ELMO1: variants seen among roughly 807,000 people sequenced by gnomAD.
The protein encoded by ELMO1 is engulfment and cell motility 1.
In ELMO1, 26 loss-of-function variants were observed where a neutral mutation model predicts 98.9. That is an observed-to-expected ratio of 0.26 (90% confidence interval 0.19 to 0.36). ELMO1 has a LOEUF of 0.36. Ranked by LOEUF, ELMO1 falls within the 10% of genes least tolerant of loss-of-function variation. The pLI is 1.00. For missense variants in ELMO1, 627 were observed against 935.2 expected (o/e 0.67, Z 4.30); for synonymous variants, 346 against 346.0 (o/e 1.00, Z 0.00).
intron 4 of ELMO1, among the ~76,000 whole-genome samples, chr7:37,279,759 G>T (rs1009169765): frequency 1.3e-5 from 2 of 152,176 alleles, no homozygotes; most frequent in Non-Finnish European, 2.9e-5. Flanking sequence ...GTGGAGCAGG[G>T]GGTATAACTC....
chr7:37,237,922 A>G (rs1326661383), intron 7 of ELMO1, among the ~76,000 whole-genome samples: 1 of 152,212 alleles, frequency 6.6e-6, no homozygotes, highest in African/African-American at 2.4e-5. Flanking sequence ...CCTTATACCA[A>G]TATCAGACCA....
intron 13 of ELMO1, among the ~76,000 whole-genome samples, chr7:37,202,922 T>C (rs1792378997): frequency 1.3e-5 from 2 of 152,186 alleles, no homozygotes; most frequent in Non-Finnish European, 2.9e-5. Flanking sequence ...CCCATGGTTT[T>C]GGTTTGTTTC....
intron 14 of ELMO1, among the ~76,000 whole-genome samples, chr7:37,111,245 T>G (rs1785233970): frequency 6.6e-6 from 1 of 152,158 alleles, no homozygotes; most frequent in African/African-American, 2.4e-5. Flanking sequence ...GACACATGAC[T>G]CACCCATTGA....
At chr7:37,405,481 A>T (rs1172522586) in intron 1 of ELMO1, among the ~76,000 whole-genome samples, 1 of 152,246 alleles carries the variant, frequency 6.6e-6, no homozygotes, top group East Asian at 1.9e-4. Context: ...CGTGTGCTTT[A>T]ACTGACACAA....
intron 15 of ELMO1, among the ~76,000 whole-genome samples, chr7:37,082,019 A>G (rs1797889735): frequency 6.6e-6 from 1 of 152,236 alleles, no homozygotes; most frequent in African/African-American, 2.4e-5. Flanking sequence ...TAAATTGCCA[A>G]TAAAAGACTA....
chr7:37,373,138 G>A (rs1411354144), intron 1 of ELMO1, among the ~76,000 whole-genome samples: 5 of 152,238 alleles, frequency 3.3e-5, no homozygotes, highest in African/African-American at 7.2e-5. Flanking sequence ...ACGGAATCAG[G>A]TGTAACACTG....
rs114396885 is a variant in ELMO1 at position 37,402,928 on chromosome 7, G to C, written c.-74+45747C>G. Among the ~76,000 whole-genome samples, 1,216 of 152,254 alleles carry C rather than the reference G, an allele frequency of 8.0e-3. 24 individuals carry two copies. Among genetic ancestry groups the C allele is most frequent in the African/African-American group, 0.028 (1,152 of 41,542 alleles). On this transcript the variant is annotated intron_variant, in intron 1 of 21. Coordinates refer to ENST00000310758, the MANE Select transcript of ELMO1 (RefSeq NM_014800.11). ...TAAACGTAATCTTGTCATACAATCT[G>C]GCAATAATGCTTCTAGGTATTTACC... is the stretch of plus-strand genomic sequence containing the variant.
intron 14 of ELMO1, among the ~76,000 whole-genome samples, chr7:37,097,348 G>A (rs1305364341): frequency 1.3e-5 from 2 of 152,116 alleles, no homozygotes; most frequent in Non-Finnish European, 2.9e-5. Context: ...GACCAGCCTG[G>A]CCAACATGGC....
intron 15 of ELMO1, among the ~76,000 whole-genome samples, chr7:37,067,276 A>G (rs1469978709): frequency 2.6e-5 from 4 of 152,202 alleles, no homozygotes; most frequent in African/African-American, 7.2e-5. Flanking sequence ...TGCCCCATCA[A>G]TTGAAAAGAA....
intron 1 of ELMO1, among the ~76,000 whole-genome samples, chr7:37,391,784 G>A (rs1439404389): frequency 1.3e-5 from 2 of 152,184 alleles, no homozygotes; most frequent in African/African-American, 4.8e-5. Context: ...CACTCACCAG[G>A]GAAGAGCTGG....
intron 15 of ELMO1, among the ~76,000 whole-genome samples, chr7:37,032,259 T>C (rs569462088): frequency 2.6e-5 from 4 of 152,130 alleles, no homozygotes; most frequent in African/African-American, 4.8e-5. Flanking sequence ...TTGAAAAACA[T>C]CTAAGGGAGC....
intron 1 of ELMO1, among the ~76,000 whole-genome samples, chr7:37,385,894 C>T (rs532738541): frequency 4.6e-5 from 7 of 152,208 alleles, no homozygotes; most frequent in Non-Finnish European, 1.0e-4. Flanking sequence ...GCCCAGCTTC[C>T]GGAGATGCCA....
intron 15 of ELMO1, among the ~76,000 whole-genome samples, chr7:37,083,771 T>C (rs1783610282): frequency 6.6e-6 from 1 of 152,188 alleles, no homozygotes; most frequent in African/African-American, 2.4e-5. Flanking sequence ...CTGCCCCTGA[T>C]AGCCTGGCTT....
intron 21 of ELMO1, among the ~76,000 whole-genome samples, chr7:36,861,381 C>T (rs189577839): frequency 2.2e-4 from 33 of 152,114 alleles, no homozygotes; most frequent in Non-Finnish European, 8.8e-5. Context: ...TAACCAGGGC[C>T]GCTTCTTTCT....
At chr7:36,984,645 CTT>C (rs772910007) in intron 16 of ELMO1, among the ~76,000 whole-genome samples, 9 of 152,212 alleles carry the variant, frequency 5.9e-5, no homozygotes, top group Non-Finnish European at 1.3e-4. Context: ...TAAGATTTCT[CTT>C]GTTTGACTAT....
intron 16 of ELMO1, among the ~76,000 whole-genome samples, chr7:36,903,389 T>C (rs568422732): frequency 2.0e-5 from 3 of 152,230 alleles, no homozygotes; most frequent in African/African-American, 4.8e-5. Context: ...TAATGACCTG[T>C]GCCCTCCTTT....
At chr7:36,856,816 C>T (rs1412997384) in intron 21 of ELMO1, among the ~76,000 whole-genome samples, 1 of 152,198 alleles carries the variant, frequency 6.6e-6, no homozygotes, top group Non-Finnish European at 1.5e-5. Context: ...GATTCTATAA[C>T]AGCAATTGTT....
chr7:37,208,536 T>C (rs1792767802), intron 13 of ELMO1, among the ~76,000 whole-genome samples: 1 of 152,236 alleles, frequency 6.6e-6, no homozygotes, highest in Non-Finnish European at 1.5e-5. Context: ...ACAGGCAAGA[T>C]GATTCCTCTT....
chr7:37,365,283 C>T (rs1318955096), intron 1 of ELMO1, among the ~76,000 whole-genome samples: 1 of 152,122 alleles, frequency 6.6e-6, no homozygotes, highest in Non-Finnish European at 1.5e-5. Context: ...TGCTGAGCAC[C>T]GATCAATTCC....
Sources: allele counts gnomAD v4.1 joint callset (sites outside exome capture counted in the v4.1 genomes callset), GRCh38; gene constraint gnomAD v4.1.1; transcripts MANE v1.5; gene names NCBI Gene and HGNC (gene_info 2026-07-23, HGNC 2026-07-21).